Variants in GRID2 observed in about 807,000 individuals in gnomAD.
The protein encoded by GRID2 is glutamate receptor ionotropic, delta-2.
Under a neutral mutation model 114.8 loss-of-function variants are expected in GRID2, and 33 were observed. That is an observed-to-expected ratio of 0.29 (90% confidence interval 0.22 to 0.38). The LOEUF (loss-of-function observed/expected upper bound fraction) is 0.38. Ranked by LOEUF, GRID2 falls within the 10% of genes least tolerant of loss-of-function variation. The probability of loss-of-function intolerance (pLI) is 1.00; values close to 1 mark genes in which losing one functional copy is unlikely to be tolerated. For missense variants in GRID2, 1,184 were observed against 1,257.7 expected, an observed-to-expected ratio of 0.94 and a Z score of 0.89; for synonymous variants, 505 against 449.9, an observed-to-expected ratio of 1.12 and a Z score of -1.55.
chr4:93,614,190 C>A (rs1303791302), intron 13 of GRID2, among the ~76,000 whole-genome samples: 1 of 152,230 alleles, frequency 6.6e-6, no homozygotes, highest in East Asian at 1.9e-4. Flanking sequence ...TGCGTGCACC[C>A]ACTGGCCTGC....
At chr4:92,381,059 G>A (rs1041087397) in intron 1 of GRID2, among the ~76,000 whole-genome samples, 13 of 152,020 alleles carry the variant, frequency 8.6e-5, no homozygotes, top group African/African-American at 2.4e-4. Flanking sequence ...AATGTGTCAT[G>A]CAATCTTAAG....
chr4:93,603,582 C>T lies in GRID2; in HGVS notation c.2194-22687C>T, dbSNP rs139735692. ...GCTACACTAAACAACAGATTTTCAA[C>T]GTAGATAAAACAGGCTTATATTGAA... On this transcript the variant is annotated intron_variant, in intron 13 of 15. Coordinates refer to ENST00000282020, the MANE Select transcript of GRID2 (RefSeq NM_001510.4). Among the ~76,000 whole-genome samples, 11 of 152,222 alleles carry T rather than the reference C, an allele frequency of 7.2e-5. No homozygotes were observed. The East Asian group carries it at 1.7e-3, about 24-fold the overall frequency.
intron 11 of GRID2, among the ~76,000 whole-genome samples, chr4:93,485,759 A>G (rs1428492781): frequency 6.6e-6 from 1 of 151,738 alleles, no homozygotes; most frequent in African/African-American, 2.4e-5. Context: ...CTTAATTACT[A>G]TATTAATCTA....
chr4:92,385,892 G>T (rs2110249347), intron 1 of GRID2, among the ~76,000 whole-genome samples: 1 of 78,856 alleles, frequency 1.3e-5, no homozygotes, highest in Non-Finnish European at 2.6e-5. Context: ...GTGTGTGTGT[G>T]TGTGTGTGTA....
At chr4:92,367,878 T>C (rs938169622) in intron 1 of GRID2, among the ~76,000 whole-genome samples, 3 of 152,034 alleles carry the variant, frequency 2.0e-5, no homozygotes, top group African/African-American at 7.2e-5. Flanking sequence ...TCTTAGACAG[T>C]TCTGTAAATT....
rs2149483042 is a variant in GRID2, at chr4:93,216,841, G to T, written c.893G>T (p.Cys298Phe). ...GTTCCCCAGAACATAAGTCAGCGGTGTTTCCGTGGCAACCATCGAATATCT... is the reference window on the plus strand; with the variant it reads ...GTTCCCCAGAACATAAGTCAGCGGTTTTTCCGTGGCAACCATCGAATATCT... The part of the protein sequence containing the change: ...FPVPQNISQR[C>F]FRGNHRISST... The change falls in exon 6 of 16, where the codon TGT (cysteine) becomes TTT (phenylalanine). Residue 298 changes from cysteine (C) to phenylalanine (F), a missense_variant. This residue lies in a region of GRID2 where 455 missense variants were observed against 429.5 expected (regional missense o/e 1.06). Transcript: ENST00000282020. 1 of 1,613,274 alleles carries T rather than the reference G, an allele frequency of 6.2e-7. No individual in the cohort carries two copies. Among genetic ancestry groups the T allele is most frequent in the South Asian group, 1.1e-5 (1 of 91,060 alleles).
chr4:92,488,047 T>C (rs1342572747), intron 1 of GRID2, among the ~76,000 whole-genome samples: 1 of 152,150 alleles, frequency 6.6e-6, no homozygotes, highest in Non-Finnish European at 1.5e-5. Context: ...GCCTCAACTG[T>C]GTCGATTCTG....
intron 1 of GRID2, among the ~76,000 whole-genome samples, chr4:92,475,385 T>C (rs1417235793): frequency 1.3e-5 from 2 of 151,300 alleles, no homozygotes; most frequent in Admixed American, 1.3e-4. Flanking sequence ...AGTCTTCTGC[T>C]TGTGGGTTTC....
chr4:92,940,234 T>C lies in GRID2; in HGVS notation c.245-144761T>C, dbSNP rs182226839. ...TCTTCCATTTGTTTGTATCCTCTTT[T>C]ATTTCATTGAGCAGTGATTTGTAGT... On this transcript the variant is annotated intron_variant, in intron 2 of 15. Coordinates refer to ENST00000282020, the MANE Select transcript of GRID2 (RefSeq NM_001510.4). Among the ~76,000 whole-genome samples, 125 of 147,228 alleles carry C rather than the reference T, an allele frequency of 8.5e-4. 16 individuals are homozygous for C. Among genetic ancestry groups the C allele is most frequent in the Non-Finnish European group, 1.4e-3 (94 of 66,474 alleles).
intron 2 of GRID2, among the ~76,000 whole-genome samples, chr4:92,603,516 C>A (rs1729319166): frequency 6.6e-6 from 1 of 151,550 alleles, no homozygotes; most frequent in Non-Finnish European, 1.5e-5. Context: ...GAAACTGGAC[C>A]CCTTTCTTAT....
rs114650501 is a variant in GRID2 at position 92,445,206 on chromosome 4, G to A, written c.88+140462G>A. 8.8e-3 allele frequency among the ~76,000 whole-genome samples: 1,335 copies of A among 152,278 alleles called. 20 individuals are homozygous for A. The highest frequency in any genetic ancestry group is 0.031 in the African/African-American group (1,272 of 41,568). On this transcript the variant is annotated intron_variant, in intron 1 of 15. Coordinates refer to ENST00000282020, the MANE Select transcript of GRID2 (RefSeq NM_001510.4). Reference sequence around the variant, plus strand: ...TTGATTTTTGCCCTTGTATTGATGAGTAAAATTAGTCTAGCAAGTAGCAGA... The same window carrying A: ...TTGATTTTTGCCCTTGTATTGATGAATAAAATTAGTCTAGCAAGTAGCAGA...
At chr4:93,268,445 A>G (rs1469308750) in intron 8 of GRID2, among the ~76,000 whole-genome samples, 1 of 152,158 alleles carries the variant, frequency 6.6e-6, no homozygotes, top group Non-Finnish European at 1.5e-5. Flanking sequence ...TTAGAGCTTC[A>G]ACATATGAAT....
At position 92,454,021 on chromosome 4, in the gene GRID2, C is replaced by T. The variant is rs185026250; in HGVS notation, c.89-136110C>T. On this transcript the variant is annotated intron_variant, in intron 1 of 15. Transcript: ENST00000282020. ...CCACAGCCAAAACATAATTAGATTT[C>T]TCCAAAAATGCCTCTTAGTGTTTAA... Among the ~76,000 whole-genome samples, 686 of 152,238 alleles carry T rather than the reference C, an allele frequency of 4.5e-3. 3 individuals are homozygous for T. Among genetic ancestry groups the T allele is most frequent in the Admixed American group, 6.1e-3 (93 of 15,294 alleles).
chr4:93,529,173 T>C (rs1731212035), intron 13 of GRID2, among the ~76,000 whole-genome samples: 1 of 152,158 alleles, frequency 6.6e-6, no homozygotes, highest in Non-Finnish European at 1.5e-5. Flanking sequence ...AGTGAGGCTG[T>C]CCAAAATGCT....
intron 3 of GRID2, among the ~76,000 whole-genome samples, chr4:93,099,011 G>A (rs1019911991): frequency 6.6e-6 from 1 of 151,250 alleles, no homozygotes; most frequent in Non-Finnish European, 1.5e-5. Flanking sequence ...GTGTGTGTGT[G>A]TGTGTGTGTG....
At chr4:92,882,816 A>C (rs1746118876) in intron 2 of GRID2, among the ~76,000 whole-genome samples, 1 of 152,236 alleles carries the variant, frequency 6.6e-6, no homozygotes, top group African/African-American at 2.4e-5. Flanking sequence ...TTTTAATTTA[A>C]AGTAAAACCT....
chr4:92,714,616 C>A (rs1735441447), intron 2 of GRID2, among the ~76,000 whole-genome samples: 1 of 152,196 alleles, frequency 6.6e-6, no homozygotes, highest in African/African-American at 2.4e-5. Flanking sequence ...CCTCTGAAAT[C>A]TAGGCAAAGG....
chr4:92,716,725 A>T (rs1262881877), intron 2 of GRID2, among the ~76,000 whole-genome samples: 1 of 152,144 alleles, frequency 6.6e-6, no homozygotes, highest in Non-Finnish European at 1.5e-5. Context: ...TCCTGAGGAA[A>T]TCCTATTATA....
intron 8 of GRID2, among the ~76,000 whole-genome samples, chr4:93,332,954 T>C (rs1158900553): frequency 6.6e-6 from 1 of 152,132 alleles, no homozygotes; most frequent in African/African-American, 2.4e-5. Flanking sequence ...TAATAGCAAT[T>C]TCTCCAACCA....
Sources: gnomAD v4.1 joint callset for allele counts (sites outside exome capture counted in the v4.1 genomes callset) on GRCh38, gnomAD v4.1.1 for gene constraint, gnomAD v4.1.1 regional missense constraint, MANE v1.5 for transcripts, NCBI Gene and HGNC (gene_info 2026-07-23, HGNC 2026-07-21) for gene names.